ADAMTS12: variants seen among roughly 807,000 people sequenced by gnomAD.
ADAMTS12 encodes the protein A disintegrin and metalloproteinase with thrombospondin motifs 12.
In ADAMTS12, 118 loss-of-function variants were observed where a neutral mutation model predicts 167.8. That is an observed-to-expected ratio of 0.70 (90% confidence interval 0.61 to 0.82). The LOEUF is 0.82. ADAMTS12 is among the 40% of genes least tolerant of loss of function. The probability of loss-of-function intolerance (pLI) is 0.00; values close to 1 mark genes in which losing one functional copy is unlikely to be tolerated. For missense variants in ADAMTS12, 1,916 were observed against 1,998.8 expected, an observed-to-expected ratio of 0.96 and a Z score of 0.79; for synonymous variants, 704 against 716.9, an observed-to-expected ratio of 0.98 and a Z score of 0.29.
intron 20 of ADAMTS12, among the ~76,000 whole-genome samples, chr5:33,559,436 A>G (rs1235857771): frequency 6.6e-6 from 1 of 152,232 alleles, no homozygotes; most frequent in Non-Finnish European, 1.5e-5. Flanking sequence ...GTCCAGCGTG[A>G]CAAGCAGATT....
At chr5:33,592,881 G>A (rs1467179646) in intron 17 of ADAMTS12, among the ~76,000 whole-genome samples, 1 of 152,122 alleles carries the variant, frequency 6.6e-6, no homozygotes, top group Admixed American at 6.5e-5. Flanking sequence ...ATGGAAATTC[G>A]GTGACAGAAG....
At chr5:33,787,141 G>A (rs934268637) in intron 2 of ADAMTS12, among the ~76,000 whole-genome samples, 1 of 152,036 alleles carries the variant, frequency 6.6e-6, no homozygotes, top group African/African-American at 2.4e-5. Context: ...TTACTCAGTG[G>A]GAGTTTTTCC....
chr5:33,819,833 A>G (rs1267572043), intron 2 of ADAMTS12, among the ~76,000 whole-genome samples: 4 of 152,156 alleles, frequency 2.6e-5, no homozygotes, highest in Non-Finnish European at 5.9e-5. Flanking sequence ...CAGTAAAAGG[A>G]AAGAGGCAGG....
At chr5:33,742,849 G>C (rs1436412758) in intron 3 of ADAMTS12, among the ~76,000 whole-genome samples, 1 of 152,190 alleles carries the variant, frequency 6.6e-6, no homozygotes, top group Non-Finnish European at 1.5e-5. Context: ...ACAAAAGCGA[G>C]AAAGTATTTG....
intron 3 of ADAMTS12, among the ~76,000 whole-genome samples, chr5:33,719,174 T>A (rs1459145552): frequency 6.6e-6 from 1 of 152,108 alleles, no homozygotes; most frequent in Non-Finnish European, 1.5e-5. Flanking sequence ...GGAAGGTAGA[T>A]GGGTTGTGCC....
intron 2 of ADAMTS12, among the ~76,000 whole-genome samples, chr5:33,835,541 C>A (rs1369687906): frequency 6.6e-6 from 1 of 152,192 alleles, no homozygotes; most frequent in African/African-American, 2.4e-5. Context: ...CTGGCGAGGG[C>A]CTGTCTCCTA....
At chr5:33,572,535 A>G (rs963055823) in intron 19 of ADAMTS12, among the ~76,000 whole-genome samples, 6 of 146,930 alleles carry the variant, frequency 4.1e-5, no homozygotes, top group Non-Finnish European at 9.0e-5. Context: ...AAGGCCTTTG[A>G]CAAAATTCAA....
At chr5:33,671,519 C>A (rs1473676193) in intron 5 of ADAMTS12, among the ~76,000 whole-genome samples, 1 of 152,112 alleles carries the variant, frequency 6.6e-6, no homozygotes, top group Admixed American at 6.5e-5. Context: ...TACAAAAACA[C>A]CTTAAAAATA....
At chr5:33,790,677 G>GT (rs1254698346) in intron 2 of ADAMTS12, among the ~76,000 whole-genome samples, 2 of 148,996 alleles carry the variant, frequency 1.3e-5, no homozygotes, top group East Asian at 4.1e-4. Flanking sequence ...TTATTAAAGT[G>GT]TGTGTGTGTG....
At chr5:33,554,946 T>C (rs1339560820) in intron 20 of ADAMTS12, among the ~76,000 whole-genome samples, 2 of 152,174 alleles carry the variant, frequency 1.3e-5, no homozygotes, top group Non-Finnish European at 2.9e-5. Flanking sequence ...ACGTTGCCTA[T>C]GTGGGAAGAC....
At chr5:33,836,141 G>A (rs866153250) in intron 2 of ADAMTS12, among the ~76,000 whole-genome samples, 8 of 152,178 alleles carry the variant, frequency 5.3e-5, no homozygotes, top group African/African-American at 1.7e-4. Context: ...AGCCCAATGC[G>A]TGTGAGCACA....
At chr5:33,843,806 G>A (rs1203809730) in intron 2 of ADAMTS12, among the ~76,000 whole-genome samples, 4 of 152,162 alleles carry the variant, frequency 2.6e-5, no homozygotes, top group South Asian at 2.1e-4. Flanking sequence ...AGGCAGTGTG[G>A]ATACTGGACA....
intron 2 of ADAMTS12, among the ~76,000 whole-genome samples, chr5:33,757,406 G>A (rs897604405): frequency 6.6e-6 from 1 of 152,214 alleles, no homozygotes; most frequent in African/African-American, 2.4e-5. Flanking sequence ...GAATGGAATG[G>A]GAACAGATGT....
chr5:33,698,852 T>G (rs1742881575), intron 3 of ADAMTS12, among the ~76,000 whole-genome samples: 1 of 152,088 alleles, frequency 6.6e-6, no homozygotes, highest in South Asian at 2.1e-4. Flanking sequence ...TTACTTGTTT[T>G]AACTAAGTTT....
At chr5:33,811,698 G>A (rs1747468154) in intron 2 of ADAMTS12, among the ~76,000 whole-genome samples, 1 of 152,230 alleles carries the variant, frequency 6.6e-6, no homozygotes, top group South Asian at 2.1e-4. Context: ...TGCCACTGGA[G>A]GAGGCCATAA....
intron 14 of ADAMTS12, among the ~76,000 whole-genome samples, chr5:33,616,288 C>A (rs1202192967): frequency 6.6e-6 from 1 of 152,048 alleles, no homozygotes; most frequent in Non-Finnish European, 1.5e-5. Flanking sequence ...CAATATGTGC[C>A]CAGTTTTGTA....
At chr5:33,543,033 T>G (rs138746693) in intron 22 of ADAMTS12, among the ~76,000 whole-genome samples, 1 of 151,918 alleles carries the variant, frequency 6.6e-6, no homozygotes, top group African/African-American at 2.4e-5. Context: ...CTGAAGGAGA[T>G]AGAGATACAA....
At chr5:33,617,583 T>C (rs1739090004) in intron 14 of ADAMTS12, among the ~76,000 whole-genome samples, 1 of 152,188 alleles carries the variant, frequency 6.6e-6, no homozygotes, top group South Asian at 2.1e-4. Context: ...CACTAATGTA[T>C]GACCACCTCC....
intron 3 of ADAMTS12, among the ~76,000 whole-genome samples, chr5:33,718,141 G>A (rs190433293): frequency 1.2e-3 from 184 of 152,264 alleles, no homozygotes; most frequent in African/African-American, 4.2e-3. Flanking sequence ...TCTAACATGC[G>A]CCACAGAATC....
Sources: gnomAD v4.1 joint callset for allele counts (sites outside exome capture counted in the v4.1 genomes callset) on GRCh38, gnomAD v4.1.1 for gene constraint, MANE v1.5 for transcripts, NCBI Gene and HGNC (gene_info 2026-07-23, HGNC 2026-07-21) for gene names.